SLC24A3: variants seen among roughly 807,000 people sequenced by gnomAD.
The protein encoded by SLC24A3 is solute carrier family 24 member 3.
In SLC24A3, 28 loss-of-function variants were observed where a neutral mutation model predicts 75.8. That is an observed-to-expected ratio of 0.37 (90% CI 0.27 to 0.51). SLC24A3 has a LOEUF of 0.51. SLC24A3 is among the 20% of genes least tolerant of loss of function. SLC24A3 has a pLI of 0.94. For synonymous variants in SLC24A3, 372 were observed against 334.1 expected (o/e 1.11, Z -1.24); for missense variants, 663 against 847.8 (o/e 0.78, Z 2.71).
At chr20:19,511,712 A>C (rs2122553945) in intron 2 of SLC24A3, among the ~76,000 whole-genome samples, 1 of 152,280 alleles carries the variant, frequency 6.6e-6, no homozygotes, top group South Asian at 2.1e-4. Context: ...AAAATAAAAT[A>C]TATGTAGTAT....
intron 3 of SLC24A3, among the ~76,000 whole-genome samples, chr20:19,577,019 G>A (rs1346796724): frequency 1.3e-5 from 2 of 152,032 alleles, no homozygotes; most frequent in South Asian, 4.2e-4. Flanking sequence ...TTATTCCCAG[G>A]CTACAAAGTA....
At chr20:19,560,952 A>G (rs117483363) in intron 3 of SLC24A3, among the ~76,000 whole-genome samples, 1 of 152,190 alleles carries the variant, frequency 6.6e-6, no homozygotes, top group Non-Finnish European at 1.5e-5. Context: ...GTACGTGTGG[A>G]TGAGGAGGAG....
intron 2 of SLC24A3, among the ~76,000 whole-genome samples, chr20:19,329,244 T>A (rs577891631): frequency 1.8e-3 from 279 of 152,308 alleles, no homozygotes; most frequent in African/African-American, 6.6e-3. Flanking sequence ...TTTTTACTGG[T>A]TAGAAATAAA....
intron 2 of SLC24A3, among the ~76,000 whole-genome samples, chr20:19,466,600 G>T (rs1987769141): frequency 6.6e-6 from 1 of 152,186 alleles, no homozygotes; most frequent in African/African-American, 2.4e-5. Flanking sequence ...CACCATGATG[G>T]AAGTGTCCGA....
intron 2 of SLC24A3, among the ~76,000 whole-genome samples, chr20:19,335,772 T>C (rs1430389710): frequency 3.3e-5 from 5 of 152,342 alleles, no homozygotes; most frequent in African/African-American, 1.2e-4. Flanking sequence ...TCCTGCATGA[T>C]CAACAATTCA....
chr20:19,639,777 C>T (rs1231963313), intron 6 of SLC24A3, among the ~76,000 whole-genome samples: 1 of 152,244 alleles, frequency 6.6e-6, no homozygotes, highest in Non-Finnish European at 1.5e-5. Context: ...CCCTGCCCCG[C>T]GGGAAGGCAG....
At chr20:19,449,544 G>T (rs1347405146) in intron 2 of SLC24A3, among the ~76,000 whole-genome samples, 1 of 152,208 alleles carries the variant, frequency 6.6e-6, no homozygotes, top group Non-Finnish European at 1.5e-5. Flanking sequence ...CAGCCACAGT[G>T]CTCAGCCCAG....
intron 3 of SLC24A3, among the ~76,000 whole-genome samples, chr20:19,537,569 C>T (rs2030421310): frequency 6.6e-6 from 1 of 152,160 alleles, no homozygotes; most frequent in African/African-American, 2.4e-5. Flanking sequence ...TATAAAGACA[C>T]ATGCACACGT....
intron 6 of SLC24A3, among the ~76,000 whole-genome samples, chr20:19,630,806 G>T (rs866803757): frequency 2.0e-4 from 31 of 152,322 alleles, no homozygotes; most frequent in Middle Eastern, 6.8e-3. Flanking sequence ...ACCTAGAGCA[G>T]GCCAGGATGA....
At chr20:19,551,347 G>A (rs2030690274) in intron 3 of SLC24A3, among the ~76,000 whole-genome samples, 1 of 150,404 alleles carries the variant, frequency 6.6e-6, no homozygotes, top group Non-Finnish European at 1.5e-5. Context: ...TATGATTATG[G>A]AGGTGAGTGA....
At chr20:19,263,065 GTGTGTGTT>G (rs1161756528) in intron 1 of SLC24A3, among the ~76,000 whole-genome samples, 3 of 151,636 alleles carry the variant, frequency 2.0e-5, no homozygotes, top group African/African-American at 7.3e-5. Context: ...GTGTGTGTGT[GTGTGTGTT>G]TTCTGTTGAC....
intron 2 of SLC24A3, among the ~76,000 whole-genome samples, chr20:19,445,597 AC>A (rs1464252485): frequency 6.6e-6 from 1 of 152,102 alleles, no homozygotes; most frequent in Non-Finnish European, 1.5e-5. Context: ...CCGTCTTGAA[AC>A]TCTGGGAGGC....
intron 2 of SLC24A3, among the ~76,000 whole-genome samples, chr20:19,367,103 G>T (rs369904564): frequency 5.2e-5 from 8 of 152,384 alleles, no homozygotes; most frequent in African/African-American, 9.6e-5. Flanking sequence ...TGTGACAGAA[G>T]AACTGAATTT....
At chr20:19,645,183 G>T (rs1411017967) in intron 6 of SLC24A3, among the ~76,000 whole-genome samples, 2 of 152,132 alleles carry the variant, frequency 1.3e-5, no homozygotes, top group African/African-American at 4.8e-5. Context: ...TTGATGACTA[G>T]ATTTCAATAA....
intron 2 of SLC24A3, among the ~76,000 whole-genome samples, chr20:19,454,579 A>G (rs1987546916): frequency 6.6e-6 from 1 of 152,148 alleles, no homozygotes; most frequent in Non-Finnish European, 1.5e-5. Flanking sequence ...GATCCTAACA[A>G]GTTTGACATT....
At chr20:19,243,211 T>C (rs1233039121) in intron 1 of SLC24A3, among the ~76,000 whole-genome samples, 1 of 152,206 alleles carries the variant, frequency 6.6e-6, no homozygotes, top group Non-Finnish European at 1.5e-5. Context: ...ATTTATAAGA[T>C]TGATGTATAT....
At chr20:19,434,642 C>G (rs1177149782) in intron 2 of SLC24A3, among the ~76,000 whole-genome samples, 1 of 152,140 alleles carries the variant, frequency 6.6e-6, no homozygotes, top group Admixed American at 6.5e-5. Flanking sequence ...TTCTCTACAT[C>G]CCTCTAATAG....
intron 2 of SLC24A3, among the ~76,000 whole-genome samples, chr20:19,289,485 A>G (rs1983888882): frequency 1.3e-5 from 2 of 152,266 alleles, no homozygotes; most frequent in Middle Eastern, 3.4e-3. Context: ...CTTATCTCAC[A>G]GGCACCCCCG....
At chr20:19,547,418 A>AT (rs2030618366) in intron 3 of SLC24A3, among the ~76,000 whole-genome samples, 1 of 152,200 alleles carries the variant, frequency 6.6e-6, no homozygotes, top group Admixed American at 6.5e-5. Context: ...ATGGGGAAAT[A>AT]TTCTGGGGTG....
Sources: allele counts gnomAD v4.1 joint callset (sites outside exome capture counted in the v4.1 genomes callset), GRCh38; gene constraint gnomAD v4.1.1; transcripts MANE v1.5; gene names NCBI Gene and HGNC (gene_info 2026-07-23, HGNC 2026-07-21).